The following COL22A1 variants were observed in gnomAD, a reference collection of about 807,000 sequenced individuals.
COL22A1 encodes collagen type XXII alpha 1 chain, also known as collagen alpha-1(XXII) chain.
A neutral mutation model predicts 248.9 loss-of-function variants in COL22A1; 221 were observed. That is an observed-to-expected ratio of 0.89 (90% CI 0.80 to 0.99). COL22A1 has a LOEUF of 0.99. Among genes scored for constraint, COL22A1 ranks in the 50% least tolerant of loss-of-function variants. The pLI is 0.00. For synonymous variants in COL22A1, 891 were observed against 793.4 expected (o/e 1.12, Z -2.07); for missense variants, 2,240 against 2,179.0 (o/e 1.03, Z -0.56).
At position 138,663,741 on chromosome 8, in the gene COL22A1, C is replaced by T; in HGVS notation, c.3151-1G>A. The T allele has an allele frequency of 6.2e-7, 1 of 1,609,708 alleles. No homozygotes were observed. The highest frequency in any genetic ancestry group is 8.5e-7 in the Non-Finnish European group (1 of 1,176,166). On this transcript the variant is annotated splice_acceptor_variant, in intron 41 of 64. Transcript: ENST00000303045. LOFTEE classifies it high-confidence loss of function. ...TGTCTCCTGGTGGTCCGGAAGGGCC[C>T]TAGAAACAAACAAACAAGTATGTAA...
intron 1 of COL22A1, among the ~76,000 whole-genome samples, chr8:138,892,475 A>G (rs948283780): frequency 6.6e-6 from 1 of 152,152 alleles, no homozygotes; most frequent in African/African-American, 2.4e-5. Context: ...GAACCTCCAC[A>G]CTCCCCAGCC....
chr8:138,622,978 G>A (rs976872795), intron 52 of COL22A1, among the ~76,000 whole-genome samples: 8 of 151,774 alleles, frequency 5.3e-5, no homozygotes, highest in African/African-American at 1.7e-4. Flanking sequence ...GCTAGGAACC[G>A]ATGAATCATC....
At position 138,755,194 on chromosome 8, in the gene COL22A1, C is replaced by T. The variant is rs1832899324; in HGVS notation, c.1994G>A (p.Arg665Lys). ...AGGACCGGGGGCGCCTTGGTGACCTCTGGGTCCTGGAGCTCCCTGGTAACA... is the reference window on the plus strand; with the variant it reads ...AGGACCGGGGGCGCCTTGGTGACCTTTGGGTCCTGGAGCTCCCTGGTAACA... Reference protein sequence around the residue: ...LKGEQGAPGPRGHQGAPGPPG... With the variant: ...LKGEQGAPGPKGHQGAPGPPG... Residue 665 changes from arginine (R) to lysine (K), a missense_variant, in exon 21 of 65, where the codon AGA becomes AAA. By Grantham distance (26) the Arg-to-Lys change is conservative. Transcript: ENST00000303045. 2.5e-6 allele frequency: 4 copies of T among 1,614,136 alleles called. No homozygotes were observed. The highest frequency in any genetic ancestry group is 3.4e-6 in the Non-Finnish European group (4 of 1,180,020).
chr8:138,672,914 T>C (rs1213794211), intron 41 of COL22A1, among the ~76,000 whole-genome samples: 1 of 152,206 alleles, frequency 6.6e-6, no homozygotes, highest in African/African-American at 2.4e-5. Flanking sequence ...TGGACTTTAA[T>C]CTGTCCCAGG....
intron 23 of COL22A1, among the ~76,000 whole-genome samples, chr8:138,730,594 T>C (rs1290523690): frequency 6.6e-6 from 1 of 152,100 alleles, no homozygotes; most frequent in Admixed American, 6.5e-5. Flanking sequence ...TAAAAATATA[T>C]AGTAGGTACA....
Position 138,596,904 on chromosome 8 carries a change from T to G in COL22A1, c.4432A>C (p.Thr1478Pro). 6.2e-7 allele frequency: 1 copy of G among 1,613,908 alleles called. No homozygotes were observed. The highest frequency in any genetic ancestry group is 8.5e-7 in the Non-Finnish European group (1 of 1,179,834). Residue 1478 changes from threonine (T) to proline (P), a missense_variant and splice_region_variant, in exon 62 of 65, where the codon ACC becomes CCC. Coordinates refer to ENST00000303045, the MANE Select transcript of COL22A1 (RefSeq NM_152888.3). ...IQEELGKQLETRLAYLLAQMP... is the reference protein window; with the variant it reads ...IQEELGKQLEPRLAYLLAQMP... ...ACCGTAACACAGTCCAGATACTCAC[T>G]TTCAAGCTGCTTCCCCAGCTCTTCT...
chr8:138,697,585 C>T (rs998890709), intron 32 of COL22A1, among the ~76,000 whole-genome samples: 5 of 152,212 alleles, frequency 3.3e-5, no homozygotes, highest in African/African-American at 9.6e-5. Flanking sequence ...TCATCAGGTG[C>T]AGCCACCAGC....
At chr8:138,825,262 A>G (rs1052507473) in intron 6 of COL22A1, among the ~76,000 whole-genome samples, 11 of 152,230 alleles carry the variant, frequency 7.2e-5, no homozygotes, top group Non-Finnish European at 1.2e-4. Context: ...TAGTTTGAAA[A>G]TGTCTCAATG....
intron 44 of COL22A1, 43 bp from the exon 45 acceptor site, chr8:138,655,987 A>C (rs369656445): frequency 6.8e-7 from 1 of 1,469,490 alleles, no homozygotes; most frequent in Non-Finnish European, 9.5e-7. Context: ...ACATGCATAT[A>C]TACAATAAAT....
At chr8:138,835,403 C>T (rs1233456598) in intron 4 of COL22A1, among the ~76,000 whole-genome samples, 1 of 152,238 alleles carries the variant, frequency 6.6e-6, no homozygotes, top group Non-Finnish European at 1.5e-5. Flanking sequence ...GATTCAGCAT[C>T]TCTGGAGACG....
At chr8:138,672,777 T>C (rs933492964) in intron 41 of COL22A1, among the ~76,000 whole-genome samples, 4 of 152,228 alleles carry the variant, frequency 2.6e-5, no homozygotes, top group Non-Finnish European at 5.9e-5. Context: ...ATTTCCTTGA[T>C]GCTGCTGCAG....
chr8:138,911,962 A>G (rs757447974), intron 1 of COL22A1, among the ~76,000 whole-genome samples: 3 of 152,206 alleles, frequency 2.0e-5, no homozygotes, highest in Non-Finnish European at 4.4e-5. Flanking sequence ...ACAGTTGCGC[A>G]GTGCCTCAGT....
intron 3 of COL22A1, among the ~76,000 whole-genome samples, chr8:138,870,749 G>C: frequency 6.6e-6 from 1 of 151,844 alleles, no homozygotes; most frequent in Admixed American, 6.6e-5. Flanking sequence ...TTGTGTATGT[G>C]TGTATGCATA....
At chr8:138,699,469 G>A (rs1438770838) in intron 32 of COL22A1, among the ~76,000 whole-genome samples, 2 of 152,214 alleles carry the variant, frequency 1.3e-5, no homozygotes, top group South Asian at 2.1e-4. Flanking sequence ...ACAATGGCAT[G>A]TTTTCTGGCT....
At chr8:138,710,693 A>G (rs1828890320) in intron 30 of COL22A1, among the ~76,000 whole-genome samples, 1 of 151,996 alleles carries the variant, frequency 6.6e-6, no homozygotes, top group Admixed American at 6.6e-5. Flanking sequence ...CATTCTGCAA[A>G]TGGCCGAACC....
At chr8:138,766,036 C>T (rs1049216842) in intron 16 of COL22A1, among the ~76,000 whole-genome samples, 1 of 152,244 alleles carries the variant, frequency 6.6e-6, no homozygotes, top group Non-Finnish European at 1.5e-5. Flanking sequence ...TGCTCATCCA[C>T]CCACTCCCCT....
intron 64 of COL22A1, among the ~76,000 whole-genome samples, chr8:138,590,935 C>CAGTGGGGA (rs2131767193): frequency 6.6e-6 from 1 of 152,228 alleles, no homozygotes; most frequent in Non-Finnish European, 1.5e-5. Flanking sequence ...GAGCATTCCC[C>CAGTGGGGA]AAAACATATT....
chr8:138,668,513 T>C (rs563686903), intron 41 of COL22A1, among the ~76,000 whole-genome samples: 12 of 152,332 alleles, frequency 7.9e-5, no homozygotes, highest in Non-Finnish European at 1.6e-4. Context: ...TTTATAAAAC[T>C]GAAAGCCGCA....
chr8:138,594,221 G>C (rs767109882), intron 62 of COL22A1, 22 bp from the exon 63 acceptor site: 282 of 1,556,356 alleles, frequency 1.8e-4, no homozygotes, highest in Non-Finnish European at 2.4e-4. Context: ...AAAAAGAGAG[G>C]CATTTCATGA....
Sources: gnomAD v4.1 joint callset for allele counts (sites outside exome capture counted in the v4.1 genomes callset) on GRCh38, gnomAD v4.1.1 for gene constraint, MANE v1.5 for transcripts, NCBI Gene and HGNC (gene_info 2026-07-23, HGNC 2026-07-21) for gene names.